The following SPART variants were observed in gnomAD, a reference collection of about 807,000 sequenced individuals.
SPART encodes spastic paraplegia 20 (Troyer syndrome).
In SPART, 35 loss-of-function variants were observed where a neutral mutation model predicts 58.7. The observed-to-expected ratio is 0.60, with a 90% CI of 0.46 to 0.79. SPART has a LOEUF of 0.79. SPART is among the 30% of genes least tolerant of loss of function. The probability of loss-of-function intolerance (pLI) is 0.00; values close to 1 mark genes in which losing one functional copy is unlikely to be tolerated. For missense variants in SPART, 730 were observed against 786.1 expected, an observed-to-expected ratio of 0.93 and a Z score of 0.85; for synonymous variants, 284 against 280.7, an observed-to-expected ratio of 1.01 and a Z score of -0.12.
intron 1 of SPART, among the ~76,000 whole-genome samples, chr13:36,337,199 T>C (rs1162534903): frequency 1.3e-5 from 2 of 152,222 alleles, no homozygotes; most frequent in Admixed American, 6.5e-5. Flanking sequence ...AAATAATTCA[T>C]AAATTTTAAA....
At position 36,314,325 on chromosome 13, in the gene SPART, G is replaced by A. The variant is rs1881451853; in HGVS notation, c.1385C>T (p.Pro462Leu). The A allele has an allele frequency of 6.2e-7, 1 of 1,614,040 alleles. No individual in the cohort carries two copies. Among genetic ancestry groups the A allele is most frequent in the Non-Finnish European group, 8.5e-7 (1 of 1,180,016 alleles). Reference sequence around the variant, plus strand: ...ACTAACTTCCACGGGTTTTTCTTCTGGTTGAATCCGCTCTCGGAGTTTAGA... The same window carrying A: ...ACTAACTTCCACGGGTTTTTCTTCTAGTTGAATCCGCTCTCGGAGTTTAGA... ...GASKLRERIQ[P>L]EEKPVEVSPA... is the part of the protein sequence containing the mutation. The change falls in exon 6 of 9, where the codon CCA (proline) becomes CTA (leucine). Residue 462 changes from proline to leucine, a missense_variant. Physicochemically the swap from Pro to Leu is moderately conservative, Grantham distance 98. Transcript: ENST00000438666.
intron 1 of SPART, among the ~76,000 whole-genome samples, chr13:36,344,588 CAT>C (rs1884886217): frequency 6.6e-6 from 1 of 152,058 alleles, no homozygotes; most frequent in African/African-American, 2.4e-5. Flanking sequence ...TAAAATATCA[CAT>C]TTTTATTTTG....
At chr13:36,369,665 T>G (rs1014173391) in intron 1 of SPART, 3 of 150,666 alleles carry the variant, frequency 2.0e-5, no homozygotes, top group African/African-American at 7.5e-5. Flanking sequence ...GCTTTTCTCC[T>G]ACAGGTAAAG....
At chr13:36,344,254 G>A (rs1593279508) in intron 1 of SPART, among the ~76,000 whole-genome samples, 1 of 152,056 alleles carries the variant, frequency 6.6e-6, no homozygotes, top group African/African-American at 2.4e-5. Flanking sequence ...AAGGAATATA[G>A]CTAGAAGCAA....
chr13:36,316,509 T>C (rs947044190), intron 5 of SPART, among the ~76,000 whole-genome samples: 4 of 152,178 alleles, frequency 2.6e-5, no homozygotes, highest in African/African-American at 9.7e-5. Context: ...GACATTACCT[T>C]GTGAAAGTCC....
In SPART at chr13:36,339,639, A is replaced by AAAC. The variant is rs1239201048; in HGVS notation, c.-2-3808_-2-3807insGTT. On this transcript the variant is annotated intron_variant, in intron 1 of 8. Transcript: ENST00000438666. ...AGCACGACTCCATCAAAAAAAAAAA[A>AAAC]AAAAAAAAAAAAACCAACCAACAAA... is the stretch of plus-strand genomic sequence containing the variant. 4.7e-5 allele frequency among the ~76,000 whole-genome samples: 7 copies of AAAC among 147,720 alleles called. 1 individual carries two copies. The highest frequency in any genetic ancestry group is 2.3e-4 in the South Asian group (1 of 4,332).
In SPART at chr13:36,328,470, A is replaced by T. The variant is rs184251570; in HGVS notation, c.1164+892T>A. Among the ~76,000 whole-genome samples the T allele has an allele frequency of 9.4e-4, 143 of 152,262 alleles. 1 individual carries two copies. Among genetic ancestry groups the T allele is most frequent in the African/African-American group, 3.3e-3 (136 of 41,550 alleles). Reference sequence around the variant, plus strand: ...CATTTTAGTTATAATGTCCTGTAGGAGGGGGCTCCTCACTGCTTCCCATAC... The same window carrying T: ...CATTTTAGTTATAATGTCCTGTAGGTGGGGGCTCCTCACTGCTTCCCATAC... On this transcript the variant is annotated intron_variant, in intron 4 of 8. Coordinates refer to ENST00000438666, the MANE Select transcript of SPART (RefSeq NM_015087.5).
chr13:36,318,973 A>G (rs1422634042), intron 5 of SPART, among the ~76,000 whole-genome samples: 8 of 151,928 alleles, frequency 5.3e-5, no homozygotes, highest in African/African-American at 9.7e-5. Flanking sequence ...GCTGAGCTTC[A>G]GGTAACTCTA....
intron 1 of SPART, chr13:36,365,946 C>T (rs974946735): frequency 3.3e-5 from 6 of 183,578 alleles, no homozygotes; most frequent in Non-Finnish European, 4.9e-5. Flanking sequence ...CCCACAGCCA[C>T]CACCGCTCTG....
chr13:36,342,724 G>A (rs1416746431), intron 1 of SPART, among the ~76,000 whole-genome samples: 1 of 152,006 alleles, frequency 6.6e-6, no homozygotes, highest in Non-Finnish European at 1.5e-5. Flanking sequence ...CTTCAAACTG[G>A]GGGATGTGTG....
chr13:36,346,431 GCGGCCGCGCGGCCCCGCCCGT>G (rs1885133926), upstream of SPART: 1 of 152,352 alleles, frequency 6.6e-6, no homozygotes, highest in Admixed American at 6.5e-5. Flanking sequence ...TTCGCGTCAC[GCGGCCGCGCGGCCCCGCCCGT>G]CGGCCTCGCT....
At chr13:36,316,425 T>C (rs1174181770) in intron 5 of SPART, among the ~76,000 whole-genome samples, 1 of 151,590 alleles carries the variant, frequency 6.6e-6, no homozygotes, top group Non-Finnish European at 1.5e-5. Flanking sequence ...AAAGTGAATA[T>C]GCCCTGCCCC....
At chr13:36,363,913 C>G (rs967548079) in intron 1 of SPART, among the ~76,000 whole-genome samples, 3 of 152,142 alleles carry the variant, frequency 2.0e-5, no homozygotes, top group Non-Finnish European at 4.4e-5. Context: ...TTATGAAAAT[C>G]AGGAAACTAG....
chr13:36,342,163 A>G (rs1884642507), intron 1 of SPART, among the ~76,000 whole-genome samples: 1 of 152,208 alleles, frequency 6.6e-6, no homozygotes, highest in African/African-American at 2.4e-5. Flanking sequence ...ATCCCCACGC[A>G]TCATTTAGAG....
In SPART at chr13:36,342,211, C is replaced by T. The variant is rs374266415; in HGVS notation, c.-3+4014G>A. Among the ~76,000 whole-genome samples the T allele has an allele frequency of 1.4e-4, 22 of 152,306 alleles. 1 individual carries two copies. In the East Asian group the frequency reaches 3.7e-3, roughly 25 times the overall value. ...GCTGGACAGTATGCTAGGTGTTTATCTCAATCCTTACAAACAATTCTTGAT... is the reference window on the plus strand; with the variant it reads ...GCTGGACAGTATGCTAGGTGTTTATTTCAATCCTTACAAACAATTCTTGAT... On this transcript the variant is annotated intron_variant, in intron 1 of 8. Coordinates refer to ENST00000438666, the MANE Select transcript of SPART (RefSeq NM_015087.5).
At chr13:36,305,499 G>T (rs1288405986) in intron 8 of SPART, among the ~76,000 whole-genome samples, 1 of 152,108 alleles carries the variant, frequency 6.6e-6, no homozygotes, top group African/African-American at 2.4e-5. Flanking sequence ...ATTGAGAATA[G>T]TACCTGATAT....
chr13:36,356,861 T>C (rs968156944), intron 1 of SPART, among the ~76,000 whole-genome samples: 52 of 152,366 alleles, frequency 3.4e-4, no homozygotes, highest in Non-Finnish European at 6.5e-4. Context: ...GTGTGCATGA[T>C]TTACTAAATT....
intron 1 of SPART, among the ~76,000 whole-genome samples, chr13:36,358,121 A>G (rs555947449): frequency 7.5e-4 from 111 of 148,964 alleles, no homozygotes; most frequent in African/African-American, 2.7e-3. Context: ...CTATTCATAG[A>G]AAAAAAAAGA....
intron 5 of SPART, among the ~76,000 whole-genome samples, chr13:36,314,668 CTGA>C (rs1342878791): frequency 2.0e-5 from 3 of 152,176 alleles, no homozygotes; most frequent in Admixed American, 6.5e-5. Context: ...TTAGTGGCAG[CTGA>C]TAATTTCTGA....
Sources: gnomAD v4.1 joint callset for allele counts (sites outside exome capture counted in the v4.1 genomes callset) on GRCh38, gnomAD v4.1.1 for gene constraint, MANE v1.5 for transcripts, NCBI Gene and HGNC (gene_info 2026-07-23, HGNC 2026-07-21) for gene names.